The following CFAP221 variants were observed in gnomAD, a reference collection of about 807,000 sequenced individuals.
CFAP221 encodes cilia and flagella associated protein 221, also known as cilia- and flagella-associated protein 221.
A neutral mutation model predicts 113.1 loss-of-function variants in CFAP221; 97 were observed. That is an observed-to-expected ratio of 0.86 (90% CI 0.73 to 1.02). CFAP221 has a LOEUF of 1.02. Among genes scored for constraint, CFAP221 ranks in the 50% least tolerant of loss-of-function variants. The pLI is 0.00. For missense variants in CFAP221, 1,025 were observed against 1,013.4 expected, an observed-to-expected ratio of 1.01 and a Z score of -0.16; for synonymous variants, 331 against 354.4, an observed-to-expected ratio of 0.93 and a Z score of 0.74.
At chr2:119,653,603 C>G (rs1688258190) in intron 23 of CFAP221, among the ~76,000 whole-genome samples, 1 of 152,126 alleles carries the variant, frequency 6.6e-6, no homozygotes, top group African/African-American at 2.4e-5. Context: ...TTTCCGTTAT[C>G]AATAGTTCTG....
At chr2:119,572,558 C>T in intron 6 of CFAP221, 1 of 701,240 alleles carries the variant, frequency 1.4e-6, no homozygotes. Flanking sequence ...CAGCGTCTTC[C>T]TGGTACCAGA....
At chr2:119,544,788 ATG>A (rs1352387556) in intron 1 of CFAP221, among the ~76,000 whole-genome samples, 1 of 151,846 alleles carries the variant, frequency 6.6e-6, no homozygotes, top group Non-Finnish European at 1.5e-5. Flanking sequence ...GGGTGAGAGA[ATG>A]GGGCGAGGGA....
chr2:119,569,337 C>T (rs1272541632), intron 6 of CFAP221, among the ~76,000 whole-genome samples: 2 of 152,016 alleles, frequency 1.3e-5, no homozygotes, highest in African/African-American at 2.4e-5. Flanking sequence ...CCAGGATGGC[C>T]TTGATCTCCT....
chr2:119,553,625 GCCAT>G (rs1680578158), intron 3 of CFAP221, among the ~76,000 whole-genome samples: 1 of 152,174 alleles, frequency 6.6e-6, no homozygotes, highest in Non-Finnish European at 1.5e-5. Flanking sequence ...GAAGGTTGTA[GCCAT>G]CACAATGTCT....
chr2:119,571,431 C>T (rs563130920), intron 6 of CFAP221, among the ~76,000 whole-genome samples: 2 of 151,646 alleles, frequency 1.3e-5, no homozygotes, highest in African/African-American at 2.4e-5. Flanking sequence ...TGAGCCACCA[C>T]GCCCGGCCAA....
intron 6 of CFAP221, among the ~76,000 whole-genome samples, chr2:119,565,084 A>G (rs372992435): frequency 1.3e-5 from 2 of 152,154 alleles, no homozygotes. Flanking sequence ...TGACTTTTAC[A>G]TTCTTAGCCC....
intron 14 of CFAP221, among the ~76,000 whole-genome samples, chr2:119,623,824 A>T (rs1382487129): frequency 6.6e-6 from 1 of 152,176 alleles, no homozygotes; most frequent in African/African-American, 2.4e-5. Context: ...TATGCAGAAA[A>T]CTGAAACTGG....
Position 119,630,678 on chromosome 2 carries a change from G to A in CFAP221, c.1839+1G>A. The A allele has an allele frequency of 1.2e-6, 2 of 1,610,192 alleles. No individual in the cohort carries two copies. Among genetic ancestry groups the A allele is most frequent in the Non-Finnish European group, 1.7e-6 (2 of 1,176,452 alleles). ...CCGAGCCCTAAAGCAAGGAGCTGAG[G>A]TAACACACCCCCATCTTCCAGAATC... is the stretch of plus-strand genomic sequence containing the variant. On this transcript the variant is annotated splice_donor_variant, in intron 18 of 23. Coordinates refer to ENST00000413369, the MANE Select transcript of CFAP221 (RefSeq NM_001271049.2). LOFTEE classifies it high-confidence loss of function.
chr2:119,659,444 G>T (rs374992438), downstream of CFAP221, among the ~76,000 whole-genome samples: 3 of 152,302 alleles, frequency 2.0e-5, no homozygotes, highest in East Asian at 5.8e-4. Context: ...TTTATTTCAG[G>T]GTACGTGGAA....
At chr2:119,550,651 A>C (rs1271264376) in intron 3 of CFAP221, among the ~76,000 whole-genome samples, 2 of 152,174 alleles carry the variant, frequency 1.3e-5, no homozygotes, top group Non-Finnish European at 2.9e-5. Context: ...ATAATTACTA[A>C]TTGTTTATAA....
intron 6 of CFAP221, among the ~76,000 whole-genome samples, chr2:119,564,290 G>A (rs959130810): frequency 2.0e-5 from 3 of 152,142 alleles, no homozygotes; most frequent in African/African-American, 7.2e-5. Context: ...TTCAGCTGTT[G>A]CGTTGCCCTC....
At chr2:119,584,789 C>T (rs1029913443) in intron 6 of CFAP221, among the ~76,000 whole-genome samples, 1 of 152,050 alleles carries the variant, frequency 6.6e-6, no homozygotes, top group African/African-American at 2.4e-5. Flanking sequence ...AGTTAAAATG[C>T]CTGAGAATCC....
intron 21 of CFAP221, among the ~76,000 whole-genome samples, chr2:119,640,368 A>T (rs1469471443): frequency 6.6e-6 from 1 of 152,192 alleles, no homozygotes; most frequent in African/African-American, 2.4e-5. Flanking sequence ...GCCCTGCTCC[A>T]GATACACAAT....
At chr2:119,608,630 A>T in intron 12 of CFAP221, 41 bp downstream of exon 12, 3 of 1,528,888 alleles carry the variant, frequency 2.0e-6, no homozygotes, top group East Asian at 2.2e-5. Flanking sequence ...GTTTCGCTAG[A>T]TGTTTTTAAA....
In CFAP221 at chr2:119,651,919, A is replaced by G. The variant is rs186198196; in HGVS notation, c.2319-55A>G. On this transcript the variant is annotated intron_variant, in intron 22 of 23. Coordinates refer to ENST00000413369, the MANE Select transcript of CFAP221 (RefSeq NM_001271049.2). ...TAAATGATCACAATATTTCATTCCTATTTTTACACTGGGAAGGAAAAGCAG... is the reference window on the plus strand; with the variant it reads ...TAAATGATCACAATATTTCATTCCTGTTTTTACACTGGGAAGGAAAAGCAG... 551 of 1,370,710 alleles carry G rather than the reference A, an allele frequency of 4.0e-4. 9 individuals are homozygous for G. The East Asian group carries it at 0.011, about 27-fold the overall frequency. The allele number at this position is 1,370,710 out of a possible 1,614,324, so 84.9% of individuals were successfully genotyped here.
intron 21 of CFAP221, among the ~76,000 whole-genome samples, chr2:119,643,922 G>A (rs1002123468): frequency 1.8e-4 from 27 of 151,894 alleles, no homozygotes; most frequent in African/African-American, 6.0e-4. Flanking sequence ...GGAGGCCAAG[G>A]CAGGAGGATC....
At chr2:119,653,562 T>C (rs139921522) in intron 23 of CFAP221, among the ~76,000 whole-genome samples, 318 of 152,288 alleles carry the variant, frequency 2.1e-3, no homozygotes, top group African/African-American at 7.5e-3. Context: ...ATCAACAATC[T>C]GCCAATGAAC....
chr2:119,567,851 CTTT>C (rs1054232760), intron 6 of CFAP221, among the ~76,000 whole-genome samples: 1 of 152,134 alleles, frequency 6.6e-6, no homozygotes, highest in Non-Finnish European at 1.5e-5. Flanking sequence ...CTTTGGTTCT[CTTT>C]TTATCTTCCA....
At chr2:119,622,607 C>CA (rs1224483699) in intron 14 of CFAP221, among the ~76,000 whole-genome samples, 2 of 152,086 alleles carry the variant, frequency 1.3e-5, no homozygotes, top group Admixed American at 6.5e-5. Flanking sequence ...AATATTGATG[C>CA]AAAAATCCTC....
Sources: allele counts gnomAD v4.1 joint callset (sites outside exome capture counted in the v4.1 genomes callset), GRCh38; gene constraint gnomAD v4.1.1; transcripts MANE v1.5; gene names NCBI Gene and HGNC (gene_info 2026-07-23, HGNC 2026-07-21).